VSIG10: variants seen among roughly 807,000 people sequenced by gnomAD.
The protein encoded by VSIG10 is V-set and immunoglobulin domain containing 10.
VSIG10 carries 48 observed loss-of-function variants against 58.7 expected under a neutral mutation model. That is an observed-to-expected ratio of 0.82 (90% CI 0.65 to 1.04). The LOEUF (loss-of-function observed/expected upper bound fraction) is 1.04. Among genes scored for constraint, VSIG10 ranks in the 50% least tolerant of loss-of-function variants. The pLI is 0.00. For missense variants in VSIG10, 628 were observed against 670.0 expected (o/e 0.94, Z 0.69); for synonymous variants, 260 against 267.1 (o/e 0.97, Z 0.26).
intron 1 of VSIG10, among the ~76,000 whole-genome samples, chr12:118,101,403 T>C (rs1005963543): frequency 1.3e-5 from 2 of 152,178 alleles, no homozygotes; most frequent in African/African-American, 4.8e-5. Flanking sequence ...AGATGTGGGA[T>C]TGTCACTCAG....
intron 2 of VSIG10, among the ~76,000 whole-genome samples, chr12:118,087,231 CTTG>C (rs1357600052): frequency 3.9e-5 from 6 of 152,124 alleles, no homozygotes; most frequent in Non-Finnish European, 8.8e-5. Context: ...AGTGCATACT[CTTG>C]TTGTGGGATG....
In VSIG10 at chr12:118,073,708, TCAGC is replaced by T; in HGVS notation, c.1206_1209del (p.Trp402Ter). ...CAGTTCCACCACTCACCTTTCACAC[TCAGC>T]CAGATTTCCATCTCCCTCACCCCTA... is the stretch of plus-strand genomic sequence containing the variant. On this transcript the variant is annotated frameshift_variant, in exon 5 of 9. Coordinates refer to ENST00000359236, the MANE Select transcript of VSIG10 (RefSeq NM_019086.6). LOFTEE classifies it high-confidence loss of function. The T allele has an allele frequency of 3.1e-6, 5 of 1,609,230 alleles. No individual in the cohort carries two copies. The highest frequency in any genetic ancestry group is 3.4e-6 in the Non-Finnish European group (4 of 1,177,154).
chr12:118,068,318 A>G, intron 8 of VSIG10, 59 bp downstream of exon 8: 2 of 1,557,452 alleles, frequency 1.3e-6, no homozygotes, highest in Non-Finnish European at 1.7e-6. Flanking sequence ...TATAGGCGTG[A>G]GCCAACGCGC....
At position 118,066,421 on chromosome 12, in the gene VSIG10, A is replaced by C; in HGVS notation, c.*218T>G. 1 of 584,460 alleles carries C rather than the reference A, an allele frequency of 1.7e-6. No homozygotes were observed. The highest frequency in any genetic ancestry group is 3.0e-5 in the Admixed American group (1 of 33,460). The allele number at this position is 584,460 out of a possible 1,614,324, so 36.2% of individuals were successfully genotyped here. A position where few individuals can be genotyped will look rare whatever the true frequency, so the allele number is the denominator to read the frequency against. On this transcript the variant is annotated 3_prime_UTR_variant, in exon 9 of 9. Transcript: ENST00000359236. ...AGCAGCTTTCCTTCTCAAAGCTTTTAAACATCATTGGGAAAACTTAGAGCA... is the reference window on the plus strand; with the variant it reads ...AGCAGCTTTCCTTCTCAAAGCTTTTCAACATCATTGGGAAAACTTAGAGCA...
chr12:118,080,853 G>A (rs374755654), intron 3 of VSIG10, among the ~76,000 whole-genome samples: 2 of 152,172 alleles, frequency 1.3e-5, no homozygotes, highest in African/African-American at 4.8e-5. Context: ...CGGATTGGGG[G>A]TTGTCCAGGT....
At chr12:118,091,098 GT>G (rs1311859435) in intron 2 of VSIG10, among the ~76,000 whole-genome samples, 183 of 152,234 alleles carry the variant, frequency 1.2e-3, no homozygotes, top group Non-Finnish European at 2.4e-3. Flanking sequence ...TGGCGCCACT[GT>G]ATTCCAGCCT....
Position 118,092,968 on chromosome 12 carries a change from T to C in VSIG10, c.361+2565A>G, listed in dbSNP as rs142824812. 6.4e-4 allele frequency among the ~76,000 whole-genome samples: 97 copies of C among 152,022 alleles called. 1 individual carries two copies. In the East Asian group the frequency reaches 0.017, roughly 26 times the overall value. The stretch of plus-strand genomic sequence containing the variant: ...GATTTTCATGTCACAAATATCCTTT[T>C]TTTTCCAACCATTTAAAAATATAAA... On this transcript the variant is annotated intron_variant, in intron 2 of 8. Coordinates refer to ENST00000359236, the MANE Select transcript of VSIG10 (RefSeq NM_019086.6).
At chr12:118,067,853 C>T (rs1038583602) in intron 8 of VSIG10, among the ~76,000 whole-genome samples, 1 of 152,048 alleles carries the variant, frequency 6.6e-6, no homozygotes, top group African/African-American at 2.4e-5. Context: ...TACCCTAGAC[C>T]AGGACCTTGA....
intron 2 of VSIG10, among the ~76,000 whole-genome samples, chr12:118,089,169 A>G (rs537125547): frequency 3.7e-4 from 57 of 152,076 alleles, no homozygotes; most frequent in African/African-American, 1.4e-3. Context: ...GGCTGGTCTC[A>G]AACTCCTGAC....
rs796757942 is a variant in VSIG10 at position 118,064,437 on chromosome 12, G to GGT, written c.*2201_*2202insAC. 2 of 144,146 alleles carry GGT rather than the reference G, an allele frequency of 1.4e-5. No homozygotes were observed. Among genetic ancestry groups the GGT allele is most frequent in the Non-Finnish European group, 3.0e-5 (2 of 66,194 alleles). 8.9% of individuals were successfully genotyped at this position (144,146 alleles called of 1,614,324 possible). On this transcript the variant is annotated 3_prime_UTR_variant, in exon 9 of 9. Transcript: ENST00000359236. ...AACATTCTCTGTGTTCCTAGCTAGG[G>GGT]TTTTTTTTTTTTTTCACCTCAACAG...
At chr12:118,096,511 G>A (rs1208974261) in intron 1 of VSIG10, among the ~76,000 whole-genome samples, 6 of 150,968 alleles carry the variant, frequency 4.0e-5, no homozygotes, top group Non-Finnish European at 5.9e-5. Context: ...CTGGGAAGCA[G>A]AGGTTGCGCT....
chr12:118,071,523 A>T, intron 5 of VSIG10, 54 bp from the exon 6 acceptor site: 3 of 1,489,602 alleles, frequency 2.0e-6, no homozygotes, highest in Non-Finnish European at 2.8e-6. Context: ...GTGCAATTAG[A>T]ACAACACCTC....
At chr12:118,085,818 C>T (rs987307569) in intron 2 of VSIG10, among the ~76,000 whole-genome samples, 10 of 148,022 alleles carry the variant, frequency 6.8e-5, no homozygotes, top group African/African-American at 2.5e-4. Context: ...GCCGAGATCA[C>T]ACCACTCCTG....
chr12:118,073,505 C>T (rs919960032), intron 5 of VSIG10, among the ~76,000 whole-genome samples, 194 bp downstream of exon 5: 3 of 152,134 alleles, frequency 2.0e-5, no homozygotes, highest in African/African-American at 7.2e-5. Flanking sequence ...ATTTTTGCTA[C>T]CTATGGAAAT....
At position 118,073,901 on chromosome 12, in the gene VSIG10, A is replaced by AG; in HGVS notation, c.1016dup (p.Ala340CysfsTer19). ...GGTTCCTCAGCCACAGGATCTTGGC[A>AG]GGGGGGTAGGCCCCAGACACCTGGC... is the stretch of plus-strand genomic sequence containing the variant. On this transcript the variant is annotated frameshift_variant, in exon 5 of 9. Coordinates refer to ENST00000359236, the MANE Select transcript of VSIG10 (RefSeq NM_019086.6). LOFTEE classifies it high-confidence loss of function. 6.2e-7 allele frequency: 1 copy of AG among 1,613,784 alleles called. No individual in the cohort carries two copies. The highest frequency in any genetic ancestry group is 8.5e-7 in the Non-Finnish European group (1 of 1,179,768).
chr12:118,072,917 A>T (rs942167331), intron 5 of VSIG10, among the ~76,000 whole-genome samples: 4 of 152,180 alleles, frequency 2.6e-5, no homozygotes, highest in African/African-American at 9.7e-5. Flanking sequence ...ACTTATACTT[A>T]AAAGTATTTA....
chr12:118,068,962 T>C (rs2032369438), intron 7 of VSIG10, among the ~76,000 whole-genome samples: 1 of 152,180 alleles, frequency 6.6e-6, no homozygotes, highest in African/African-American at 2.4e-5. Context: ...AAGACCCAGG[T>C]AAAGTCCTCT....
In VSIG10 at chr12:118,073,834, G is replaced by A; in HGVS notation, c.1084C>T (p.Leu362Phe). ...EVIIQPSSRH[L>F]ITQDGQNSTL... ...GAGTTCTGGCCATCCTGGGTAATGA[G>A]ATGGCGGCTGCTAGGCTGGATGATC... is the stretch of plus-strand genomic sequence containing the variant. Residue 362 changes from leucine (L) to phenylalanine (F), a missense_variant, in exon 5 of 9, where the codon CTC (leucine) becomes TTC (phenylalanine). Transcript: ENST00000359236. 1.2e-6 allele frequency: 2 copies of A among 1,614,006 alleles called. No individual in the cohort carries two copies. Among genetic ancestry groups the A allele is most frequent in the South Asian group, 1.1e-5 (1 of 91,084 alleles).
chr12:118,068,600 A>G lies in VSIG10; in HGVS notation c.1347-3T>C, dbSNP rs763202511. 3.1e-5 allele frequency: 47 copies of G among 1,537,390 alleles called. No individual in the cohort carries two copies. The highest frequency in any genetic ancestry group is 3.8e-5 in the Non-Finnish European group (43 of 1,138,922). On this transcript the variant is annotated splice_region_variant and splice_polypyrimidine_tract_variant and intron_variant, in intron 7 of 8. Coordinates refer to ENST00000359236, the MANE Select transcript of VSIG10 (RefSeq NM_019086.6). ...TGACATCATCCATGTTTTGTCCCCT[A>G]ATTTCCAAAGGGGAAAAATAATCAA...
Sources: gnomAD v4.1 joint callset for allele counts (sites outside exome capture counted in the v4.1 genomes callset) on GRCh38, gnomAD v4.1.1 for gene constraint, MANE v1.5 for transcripts, NCBI Gene and HGNC (gene_info 2026-07-23, HGNC 2026-07-21) for gene names.